The following RANBP17 variants were observed in gnomAD, a reference collection of about 807,000 sequenced individuals.
The protein encoded by RANBP17 is RAN binding protein 17, also known as ran-binding protein 17.
Under a neutral mutation model 141.2 loss-of-function variants are expected in RANBP17, and 158 were observed. The observed-to-expected ratio is 1.12, with a 90% CI of 0.98 to 1.28. The LOEUF (loss-of-function observed/expected upper bound fraction) is 1.28, where lower values mean the gene tolerates loss of function less well. Among genes scored for constraint, RANBP17 ranks in the 50% most tolerant of loss-of-function variants. The pLI, the probability that RANBP17 is intolerant of heterozygous loss-of-function variation, is 0.00. For missense variants in RANBP17, 1,438 were observed against 1,290.7 expected (o/e 1.11, Z -1.75); for synonymous variants, 430 against 450.0 (o/e 0.96, Z 0.56).
chr5:171,110,466 A>G (rs567671531), intron 14 of RANBP17, among the ~76,000 whole-genome samples: 2 of 152,156 alleles, frequency 1.3e-5, no homozygotes, highest in East Asian at 1.9e-4. Flanking sequence ...CGTCATATCT[A>G]TCTTCCTTCT....
intron 14 of RANBP17, among the ~76,000 whole-genome samples, chr5:171,074,822 G>C (rs72827539): frequency 3.4e-4 from 52 of 152,216 alleles, no homozygotes; most frequent in Non-Finnish European, 6.0e-4. Flanking sequence ...ACCTGAAAAA[G>C]CTTGTTTATA....
At chr5:171,027,194 A>T (rs1781288380) in intron 14 of RANBP17, among the ~76,000 whole-genome samples, 1 of 152,206 alleles carries the variant, frequency 6.6e-6, no homozygotes, top group African/African-American at 2.4e-5. Context: ...TGTTTCTTTA[A>T]TGAATTTATC....
chr5:171,199,106 T>A (rs2127952650), intron 18 of RANBP17, among the ~76,000 whole-genome samples: 1 of 152,264 alleles, frequency 6.6e-6, no homozygotes, highest in South Asian at 2.1e-4. Context: ...AAGCTTAGTG[T>A]AAGAAGTGTA....
intron 14 of RANBP17, among the ~76,000 whole-genome samples, chr5:171,103,715 G>A (rs567568173): frequency 3.9e-5 from 6 of 152,230 alleles, no homozygotes; most frequent in African/African-American, 7.2e-5. Flanking sequence ...TGCTTGAAAC[G>A]CAGGGCCCTG....
intron 14 of RANBP17, among the ~76,000 whole-genome samples, chr5:171,057,769 G>C (rs1783503336): frequency 6.6e-6 from 1 of 152,080 alleles, no homozygotes. Flanking sequence ...GCATGATGGA[G>C]GGAGTGCAAG....
At chr5:171,171,475 G>C (rs1173274738) in intron 16 of RANBP17, among the ~76,000 whole-genome samples, 189 bp downstream of exon 16, 4 of 152,026 alleles carry the variant, frequency 2.6e-5, no homozygotes, top group Non-Finnish European at 5.9e-5. Context: ...GAAGCATTTA[G>C]TCGGAATCAC....
rs372194296 is a variant in RANBP17 at position 170,994,880 on chromosome 5, A to G, written c.1710+26503A>G. On this transcript the variant is annotated intron_variant, in intron 14 of 27. Coordinates refer to ENST00000523189, the MANE Select transcript of RANBP17 (RefSeq NM_022897.5). ...GTTGGATTTATTCTAAAGGGATAGT[A>G]TACCTATAATTTAAACTTAAATCTA... Among the ~76,000 whole-genome samples the G allele has an allele frequency of 3.3e-4, 50 of 152,242 alleles. 1 individual carries two copies. In the East Asian group the frequency reaches 5.8e-3, roughly 18 times the overall value.
Position 171,144,925 on chromosome 5 carries a change from A to G in RANBP17, c.1711-25205A>G, listed in dbSNP as rs184808911. On this transcript the variant is annotated intron_variant, in intron 14 of 27. Transcript: ENST00000523189. ...TCTTGAGTATTCTCGCTTGTGATGG[A>G]TTTTGGCTCCAGGCATAAAGATATA... Among the ~76,000 whole-genome samples the G allele has an allele frequency of 3.2e-3, 480 of 152,228 alleles. 2 individuals are homozygous for G. Among genetic ancestry groups the G allele is most frequent in the African/African-American group, 0.011 (453 of 41,528 alleles).
chr5:170,942,120 T>G (rs1482799209), intron 12 of RANBP17, among the ~76,000 whole-genome samples: 3 of 152,182 alleles, frequency 2.0e-5, no homozygotes, highest in Non-Finnish European at 4.4e-5. Flanking sequence ...GCGAGGGATC[T>G]AAGTTGCACA....
chr5:171,050,828 T>C (rs937555370), intron 14 of RANBP17, among the ~76,000 whole-genome samples: 1 of 152,216 alleles, frequency 6.6e-6, no homozygotes, highest in Non-Finnish European at 1.5e-5. Flanking sequence ...TTACTTCTTA[T>C]AGAGCAGATC....
At chr5:170,898,528 T>C (rs2127397262) in intron 5 of RANBP17, among the ~76,000 whole-genome samples, 1 of 152,352 alleles carries the variant, frequency 6.6e-6, no homozygotes, top group South Asian at 2.1e-4. Flanking sequence ...CTCTTTAGTT[T>C]AATTAGATCC....
chr5:171,255,903 A>G (rs1372939488), intron 24 of RANBP17, among the ~76,000 whole-genome samples: 1 of 152,190 alleles, frequency 6.6e-6, no homozygotes, highest in African/African-American at 2.4e-5. Flanking sequence ...AAAAAAGTAA[A>G]TATTCTAAAT....
chr5:171,108,632 AAACT>A (rs1201168773), intron 14 of RANBP17, among the ~76,000 whole-genome samples: 2 of 152,034 alleles, frequency 1.3e-5, no homozygotes, highest in Non-Finnish European at 2.9e-5. Context: ...AGCTGGTCTC[AAACT>A]CCTGAACTCA....
At chr5:171,140,770 A>T (rs985322362) in intron 14 of RANBP17, among the ~76,000 whole-genome samples, 2 of 152,216 alleles carry the variant, frequency 1.3e-5, no homozygotes, top group African/African-American at 4.8e-5. Context: ...AGGTTGAATT[A>T]AAAAATTCCT....
chr5:171,205,082 T>C (rs911635990), intron 19 of RANBP17, among the ~76,000 whole-genome samples: 1 of 152,212 alleles, frequency 6.6e-6, no homozygotes, highest in Admixed American at 6.5e-5. Flanking sequence ...AGGATATTCA[T>C]TAGGAATTTT....
At chr5:170,985,821 A>T (rs1411743387) in intron 14 of RANBP17, among the ~76,000 whole-genome samples, 3 of 152,188 alleles carry the variant, frequency 2.0e-5, no homozygotes, top group Admixed American at 6.6e-5. Context: ...AAGTGAAGTG[A>T]AAAAATCAGT....
At chr5:171,247,093 G>A (rs1765254932) in intron 24 of RANBP17, among the ~76,000 whole-genome samples, 1 of 152,168 alleles carries the variant, frequency 6.6e-6, no homozygotes, top group African/African-American at 2.4e-5. Flanking sequence ...GTGGCTCAGA[G>A]AGGTGAAACA....
At chr5:170,967,432 A>G (rs1776653818) in intron 13 of RANBP17, among the ~76,000 whole-genome samples, 1 of 152,016 alleles carries the variant, frequency 6.6e-6, no homozygotes, top group Non-Finnish European at 1.5e-5. Context: ...AAAAATTATT[A>G]TATTATATTC....
chr5:170,867,361 C>T (rs1289543667), intron 1 of RANBP17, among the ~76,000 whole-genome samples: 1 of 152,008 alleles, frequency 6.6e-6, no homozygotes, highest in Non-Finnish European at 1.5e-5. Context: ...AAAATACATA[C>T]TTCACAAGAG....
Sources: gnomAD v4.1 joint callset for allele counts (sites outside exome capture counted in the v4.1 genomes callset) on GRCh38, gnomAD v4.1.1 for gene constraint, MANE v1.5 for transcripts, NCBI Gene and HGNC (gene_info 2026-07-23, HGNC 2026-07-21) for gene names.